NXPH1: variants seen among roughly 807,000 people sequenced by gnomAD.
NXPH1 encodes neurexophilin 1.
A neutral mutation model predicts 23.7 loss-of-function variants in NXPH1; 5 were observed. The observed-to-expected ratio is 0.21, with a 90% CI of 0.11 to 0.44. The LOEUF (loss-of-function observed/expected upper bound fraction) is 0.44. Among genes scored for constraint, NXPH1 ranks in the 20% least tolerant of loss-of-function variants. The pLI, the probability that NXPH1 is intolerant of heterozygous loss-of-function variation, is 0.99. For missense variants in NXPH1, 324 were observed against 321.6 expected (o/e 1.01, Z -0.06); for synonymous variants, 144 against 122.2 (o/e 1.18, Z -1.18).
intron 2 of NXPH1, among the ~76,000 whole-genome samples, chr7:8,737,122 C>G (rs868020486): frequency 6.6e-6 from 1 of 152,120 alleles, no homozygotes; most frequent in South Asian, 2.1e-4. Context: ...AGCTTTTAGC[C>G]CATTTACATT....
chr7:8,512,675 C>G (rs563441251), intron 2 of NXPH1, among the ~76,000 whole-genome samples: 4 of 152,090 alleles, frequency 2.6e-5, no homozygotes, highest in Non-Finnish European at 5.9e-5. Flanking sequence ...AAATTAACAA[C>G]TAGAAAGTTA....
At position 8,719,777 on chromosome 7, in the gene NXPH1, A is replaced by G. The variant is rs552751167; in HGVS notation, c.55-31231A>G. Among the ~76,000 whole-genome samples, 4 of 152,314 alleles carry G rather than the reference A, an allele frequency of 2.6e-5. 1 individual carries two copies. The South Asian group carries it at 8.3e-4, about 32-fold the overall frequency. On this transcript the variant is annotated intron_variant, in intron 2 of 2. Coordinates refer to ENST00000405863, the MANE Select transcript of NXPH1 (RefSeq NM_152745.3). Reference sequence around the variant, plus strand: ...TGAATTTAAATTATGGAAATGAAATACTTTTATACAAAACTAACGACATAG... The same window carrying G: ...TGAATTTAAATTATGGAAATGAAATGCTTTTATACAAAACTAACGACATAG...
intron 2 of NXPH1, among the ~76,000 whole-genome samples, chr7:8,713,884 C>T (rs1779835390): frequency 6.6e-6 from 1 of 152,154 alleles, no homozygotes; most frequent in South Asian, 2.1e-4. Flanking sequence ...CTCCTTTGGC[C>T]ACCACCACTG....
At chr7:8,712,277 T>G (rs1779810321) in intron 2 of NXPH1, among the ~76,000 whole-genome samples, 1 of 152,198 alleles carries the variant, frequency 6.6e-6, no homozygotes, top group African/African-American at 2.4e-5. Flanking sequence ...ATCCAATATT[T>G]TTTACAAGGC....
chr7:8,603,091 G>C (rs532765789), intron 2 of NXPH1, among the ~76,000 whole-genome samples: 2 of 152,096 alleles, frequency 1.3e-5, no homozygotes, highest in Non-Finnish European at 2.9e-5. Flanking sequence ...GATTACAGAC[G>C]TGAGCCACCG....
In NXPH1 at chr7:8,479,177, C is replaced by T. The variant is rs146614152; in HGVS notation, c.54+43410C>T. Among the ~76,000 whole-genome samples the T allele has an allele frequency of 1.0e-3, 157 of 152,078 alleles. 4 individuals are homozygous for T. The East Asian group carries it at 0.029, about 28-fold the overall frequency. On this transcript the variant is annotated intron_variant, in intron 2 of 2. Coordinates refer to ENST00000405863, the MANE Select transcript of NXPH1 (RefSeq NM_152745.3). ...TAAAGATCAAGTATCTATAAAACAG[C>T]AGATTTAATAAAATGAATATAAGGA...
intron 2 of NXPH1, among the ~76,000 whole-genome samples, chr7:8,748,434 C>T (rs941745339): frequency 6.6e-6 from 1 of 152,152 alleles, no homozygotes; most frequent in African/African-American, 2.4e-5. Context: ...GTCTGATAGC[C>T]CCATTTGACT....
intron 2 of NXPH1, among the ~76,000 whole-genome samples, chr7:8,526,443 G>A (rs1228881931): frequency 6.6e-6 from 1 of 152,166 alleles, no homozygotes; most frequent in East Asian, 1.9e-4. Context: ...GACTTTGGGG[G>A]ACTGTTGGGA....
intron 2 of NXPH1, among the ~76,000 whole-genome samples, chr7:8,610,192 G>C (rs1293536054): frequency 6.6e-6 from 1 of 151,698 alleles, no homozygotes; most frequent in Non-Finnish European, 1.5e-5. Context: ...AAGGGAAGTA[G>C]TAAATATTTT....
At chr7:8,558,225 G>T (rs560159581) in intron 2 of NXPH1, among the ~76,000 whole-genome samples, 1 of 146,420 alleles carries the variant, frequency 6.8e-6, no homozygotes, top group Non-Finnish European at 1.5e-5. Context: ...TGTTTATTTG[G>T]TTATTTTTTT....
At chr7:8,744,955 A>G (rs888715124) in intron 2 of NXPH1, among the ~76,000 whole-genome samples, 4 of 152,212 alleles carry the variant, frequency 2.6e-5, no homozygotes, top group East Asian at 1.9e-4. Context: ...CAAGGTCTCT[A>G]TTAAACCACC....
At chr7:8,602,459 T>C (rs1819382605) in intron 2 of NXPH1, among the ~76,000 whole-genome samples, 1 of 152,222 alleles carries the variant, frequency 6.6e-6, no homozygotes, top group African/African-American at 2.4e-5. Flanking sequence ...GGTGCAGTTT[T>C]GGGTACTGGG....
At chr7:8,626,797 G>A (rs1398284991) in intron 2 of NXPH1, among the ~76,000 whole-genome samples, 1 of 152,058 alleles carries the variant, frequency 6.6e-6, no homozygotes, top group Non-Finnish European at 1.5e-5. Flanking sequence ...GCGATGTGGT[G>A]TTTATCACCT....
chr7:8,737,891 A>G (rs1472595658), intron 2 of NXPH1, among the ~76,000 whole-genome samples: 1 of 152,064 alleles, frequency 6.6e-6, no homozygotes, highest in Non-Finnish European at 1.5e-5. Context: ...TTGATCTTCA[A>G]TCTCTGATAT....
At chr7:8,628,588 A>G (rs1820048716) in intron 2 of NXPH1, among the ~76,000 whole-genome samples, 1 of 150,912 alleles carries the variant, frequency 6.6e-6, no homozygotes, top group African/African-American at 2.5e-5. Flanking sequence ...TTGTGTATGT[A>G]TAAAAAAAAA....
Position 8,435,827 on chromosome 7 carries a change from T to A in NXPH1, c.54+60T>A. ...TACCCCGGCCGGGAGGCAAGGAAAC[T>A]GGGGACACGCGGGAGAAGGGTTACG... On this transcript the variant is annotated intron_variant, in intron 2 of 2. Transcript: ENST00000405863. The surrounding 1 kb of genome is among the most constrained non-coding windows in gnomAD (Gnocchi z 5.9). 6.7e-7 allele frequency: 1 copy of A among 1,501,500 alleles called. No individual in the cohort carries two copies. The highest frequency in any genetic ancestry group is 9.3e-7 in the Non-Finnish European group (1 of 1,078,048). 93.0% of individuals were successfully genotyped at this position (1,501,500 alleles called of 1,614,324 possible). A position where few individuals can be genotyped will look rare whatever the true frequency, so the allele number is the denominator to read the frequency against.
chr7:8,486,733 GCATA>G (rs1400151784), intron 2 of NXPH1, among the ~76,000 whole-genome samples: 1 of 151,950 alleles, frequency 6.6e-6, no homozygotes, highest in Non-Finnish European at 1.5e-5. Flanking sequence ...TCCATTCCTG[GCATA>G]CATAATGTTC....
intron 2 of NXPH1, among the ~76,000 whole-genome samples, chr7:8,687,549 C>G (rs1326618733): frequency 2.6e-5 from 4 of 152,124 alleles, no homozygotes; most frequent in Non-Finnish European, 4.4e-5. Flanking sequence ...TGTCTCTGGA[C>G]ATTTTTGTCC....
intron 2 of NXPH1, among the ~76,000 whole-genome samples, chr7:8,587,236 G>A (rs770876922): frequency 6.6e-6 from 1 of 151,626 alleles, no homozygotes; most frequent in Non-Finnish European, 1.5e-5. Flanking sequence ...CTGGGTTCGT[G>A]TATATATCTC....
Sources: allele counts gnomAD v4.1 joint callset (sites outside exome capture counted in the v4.1 genomes callset), GRCh38; gene constraint gnomAD v4.1.1; non-coding constraint Gnocchi (gnomAD v3.1); transcripts MANE v1.5; gene names NCBI Gene and HGNC (gene_info 2026-07-23, HGNC 2026-07-21).